ZNF516: variants seen among roughly 807,000 people sequenced by gnomAD.
The protein encoded by ZNF516 is zinc finger protein 516.
In ZNF516, 19 loss-of-function variants were observed where a neutral mutation model predicts 79.7. The ratio of observed to expected loss-of-function variants is 0.24; its 90% CI spans 0.17 to 0.35. The LOEUF (loss-of-function observed/expected upper bound fraction) is 0.35, where lower values mean the gene tolerates loss of function less well. Ranked by LOEUF, ZNF516 falls within the 10% of genes least tolerant of loss-of-function variation. The pLI is 1.00. For synonymous variants in ZNF516, 877 were observed against 739.5 expected (o/e 1.19, Z -3.02); for missense variants, 1,678 against 1,679.5 (o/e 1.00, Z 0.02).
At chr18:76,384,949 C>T (rs546605297) in intron 3 of ZNF516, among the ~76,000 whole-genome samples, 6 of 152,340 alleles carry the variant, frequency 3.9e-5, no homozygotes, top group African/African-American at 1.4e-4. Flanking sequence ...GGGCACACAC[C>T]AGAGAGGGAA....
At chr18:76,431,993 T>C (rs1175953825) in intron 3 of ZNF516, among the ~76,000 whole-genome samples, 2 of 152,172 alleles carry the variant, frequency 1.3e-5, no homozygotes, top group Non-Finnish European at 2.9e-5. Flanking sequence ...CAGGACAGGG[T>C]CTGCTATTCT....
Position 76,404,281 on chromosome 18 carries a change from AGAC to A in ZNF516, c.1811-23981_1811-23979del, listed in dbSNP as rs758626109. ...ATGCAGCTCCACACACGCCTGGGGG[AGAC>A]GACGTGATCCCACTCGCCCCACTCC... On this transcript the variant is annotated intron_variant, in intron 3 of 6. Transcript: ENST00000443185. Among the ~76,000 whole-genome samples the A allele has an allele frequency of 7.9e-5, 12 of 152,348 alleles. No individual in the cohort carries two copies. In the South Asian group the frequency reaches 2.1e-3, roughly 26 times the overall value.
At chr18:76,488,874 T>C (rs995751814) in intron 1 of ZNF516, among the ~76,000 whole-genome samples, 4 of 152,242 alleles carry the variant, frequency 2.6e-5, no homozygotes, top group African/African-American at 7.2e-5. Context: ...GTTGGAAATC[T>C]AGTAATAAGC....
At chr18:76,411,053 C>T (rs944984920) in intron 3 of ZNF516, among the ~76,000 whole-genome samples, 2 of 152,202 alleles carry the variant, frequency 1.3e-5, no homozygotes, top group Non-Finnish European at 2.9e-5. Flanking sequence ...TGAAATGCTT[C>T]CATTTTCAGA....
chr18:76,396,161 TAGG>T, intron 3 of ZNF516, among the ~76,000 whole-genome samples: 1 of 152,310 alleles, frequency 6.6e-6, no homozygotes, highest in African/African-American at 2.4e-5. Context: ...TAGCTGTGAT[TAGG>T]AGATGGTCAC....
chr18:76,358,785 G>C lies in ZNF516; in HGVS notation c.*3713C>G, dbSNP rs372649001. ...AGAGGAGGGTTTGTCTAGTTTGAAG[G>C]AAGGAATGTTGGTAGACAGTCTCCA... On this transcript the variant is annotated 3_prime_UTR_variant, in exon 7 of 7. Coordinates refer to ENST00000443185, the MANE Select transcript of ZNF516 (RefSeq NM_014643.4). The C allele has an allele frequency of 6.6e-6, 1 of 152,226 alleles. No homozygotes were observed. The highest frequency in any genetic ancestry group is 2.4e-5 in the African/African-American group (1 of 41,438). 9.4% of individuals were successfully genotyped at this position (152,226 alleles called of 1,614,324 possible). A position where few individuals can be genotyped will look rare whatever the true frequency, so the allele number is the denominator to read the frequency against.
chr18:76,371,710 C>T (rs1308722246), intron 4 of ZNF516, 139 bp from the exon 5 acceptor site: 2 of 675,114 alleles, frequency 3.0e-6, no homozygotes, highest in African/African-American at 3.6e-5. Flanking sequence ...TCCCTTCAGG[C>T]CCTGGTGACA....
At chr18:76,444,853 C>G (rs1911945612) in intron 2 of ZNF516, among the ~76,000 whole-genome samples, 1 of 152,196 alleles carries the variant, frequency 6.6e-6, no homozygotes, top group South Asian at 2.1e-4. Flanking sequence ...ATGCTGTGCC[C>G]TCTCACAGGC....
intron 1 of ZNF516, among the ~76,000 whole-genome samples, chr18:76,486,225 C>G (rs1253218697): frequency 6.6e-6 from 1 of 152,224 alleles, no homozygotes; most frequent in Admixed American, 6.5e-5. Flanking sequence ...GTACAACTTT[C>G]AATGCATCAT....
intron 1 of ZNF516, among the ~76,000 whole-genome samples, chr18:76,477,116 G>A (rs937614873): frequency 3.9e-5 from 6 of 152,146 alleles, no homozygotes; most frequent in African/African-American, 1.4e-4. Context: ...AGATAAAACA[G>A]CACTTTTTAT....
chr18:76,441,178 A>G, intron 3 of ZNF516, 67 bp downstream of exon 3: 1 of 1,536,142 alleles, frequency 6.5e-7, no homozygotes, highest in Non-Finnish European at 8.7e-7. Flanking sequence ...GTATACGTTT[A>G]CCTGGAAGCA....
intron 3 of ZNF516, among the ~76,000 whole-genome samples, chr18:76,418,552 C>T (rs1235506210): frequency 6.6e-6 from 1 of 152,022 alleles, no homozygotes; most frequent in Non-Finnish European, 1.5e-5. Flanking sequence ...CACTATGACA[C>T]GCACTGTAAC....
chr18:76,360,097 C>T lies in ZNF516; in HGVS notation c.*2401G>A, dbSNP rs1055335485. ...GCAAGCTGACTGTCCTCCACGCCTG[C>T]TCTCCTGCAAGCCAGGAAGGATCCA... On this transcript the variant is annotated 3_prime_UTR_variant, in exon 7 of 7. Coordinates refer to ENST00000443185, the MANE Select transcript of ZNF516 (RefSeq NM_014643.4). The T allele has an allele frequency of 6.6e-6, 1 of 152,388 alleles. No individual in the cohort carries two copies. The highest frequency in any genetic ancestry group is 1.5e-5 in the Non-Finnish European group (1 of 68,208). The allele number at this position is 152,388 out of a possible 1,614,324, so 9.4% of individuals were successfully genotyped here. A position where few individuals can be genotyped will look rare whatever the true frequency, so the allele number is the denominator to read the frequency against.
intron 3 of ZNF516, among the ~76,000 whole-genome samples, chr18:76,405,114 C>T (rs916054014): frequency 9.2e-5 from 14 of 152,160 alleles, no homozygotes; most frequent in African/African-American, 2.4e-4. Context: ...ACCAGCCTCC[C>T]GAGGCCAAGA....
intron 3 of ZNF516, among the ~76,000 whole-genome samples, chr18:76,413,564 C>A (rs1742921611): frequency 6.7e-6 from 1 of 149,876 alleles, no homozygotes; most frequent in African/African-American, 2.4e-5. Context: ...TTTTTTGTTT[C>A]AAAAAAAAAA....
chr18:76,371,865 CT>C (rs2074713936), intron 4 of ZNF516, among the ~76,000 whole-genome samples: 1 of 152,244 alleles, frequency 6.6e-6, no homozygotes, highest in African/African-American at 2.4e-5. Flanking sequence ...CTCCGAGCAA[CT>C]GCAGGCTGGG....
chr18:76,403,325 C>T (rs2075256953), intron 3 of ZNF516, among the ~76,000 whole-genome samples: 1 of 152,158 alleles, frequency 6.6e-6, no homozygotes, highest in African/African-American at 2.4e-5. Flanking sequence ...TGAGAAGCCA[C>T]ACACACAGGC....
chr18:76,400,386 A>C (rs1599184246), intron 3 of ZNF516, among the ~76,000 whole-genome samples: 2 of 152,222 alleles, frequency 1.3e-5, no homozygotes, highest in South Asian at 4.1e-4. Context: ...ATAATTTGAG[A>C]AACAGCTATT....
chr18:76,380,373 T>A (rs1356924571), intron 3 of ZNF516, 70 bp from the exon 4 acceptor site: 10 of 1,546,614 alleles, frequency 6.5e-6, no homozygotes, highest in Admixed American at 5.3e-5. Context: ...ACACGGTGCG[T>A]ACAGCTACAG....
Sources: gnomAD v4.1 joint callset for allele counts (sites outside exome capture counted in the v4.1 genomes callset) on GRCh38, gnomAD v4.1.1 for gene constraint, MANE v1.5 for transcripts, NCBI Gene and HGNC (gene_info 2026-07-23, HGNC 2026-07-21) for gene names.